The following SGCD variants were observed in gnomAD, a reference collection of about 807,000 sequenced individuals.
SGCD encodes delta-sarcoglycan.
In SGCD, 18 loss-of-function variants were observed where a neutral mutation model predicts 36.6. The observed-to-expected ratio is 0.49, with a 90% confidence interval of 0.34 to 0.73. The LOEUF (loss-of-function observed/expected upper bound fraction) is 0.73. Among genes scored for constraint, SGCD ranks in the 30% least tolerant of loss-of-function variants. SGCD has a pLI of 0.01. For missense variants in SGCD, 387 were observed against 346.7 expected, an observed-to-expected ratio of 1.12 and a Z score of -0.92; for synonymous variants, 133 against 130.6, an observed-to-expected ratio of 1.02 and a Z score of -0.12.
chr5:156,061,919 C>CTTTTTTTTTTTTTT (rs757769130), intron 1 of SGCD, among the ~76,000 whole-genome samples: 2 of 71,760 alleles, frequency 2.8e-5, no homozygotes, highest in Non-Finnish European at 5.3e-5. Flanking sequence ...GGAGTTTTCA[C>CTTTTTTTTTTTTTT]TTTTTTTTTT....
intron 7 of SGCD, among the ~76,000 whole-genome samples, chr5:156,664,131 AT>A (rs1279906885): frequency 9.8e-6 from 1 of 101,962 alleles, no homozygotes; most frequent in African/African-American, 4.5e-5. Flanking sequence ...TTTGACCACA[AT>A]TATAACATTT....
chr5:155,999,455 G>A (rs1448917257), intron 1 of SGCD, among the ~76,000 whole-genome samples: 1 of 152,178 alleles, frequency 6.6e-6, no homozygotes, highest in Non-Finnish European at 1.5e-5. Context: ...TTAAACTGGG[G>A]AGTTCAATCA....
intron 3 of SGCD, among the ~76,000 whole-genome samples, chr5:156,379,372 A>G (rs1016806754): frequency 6.6e-6 from 1 of 152,126 alleles, no homozygotes; most frequent in Non-Finnish European, 1.5e-5. Flanking sequence ...ATGCATGCAC[A>G]TGTCTGGGCA....
intron 3 of SGCD, among the ~76,000 whole-genome samples, chr5:156,438,138 A>T (rs1440039338): frequency 6.6e-6 from 1 of 152,224 alleles, no homozygotes; most frequent in Non-Finnish European, 1.5e-5. Context: ...AGATGTGAGG[A>T]CAGTAGGAAA....
chr5:156,518,570 G>A (rs1203895524), intron 4 of SGCD, among the ~76,000 whole-genome samples: 1 of 151,810 alleles, frequency 6.6e-6, no homozygotes. Context: ...TACTGTAAAA[G>A]TGACCTAAAA....
the SGCD span, among the ~76,000 whole-genome samples, chr5:155,771,215 C>T: frequency 3.3e-5 from 5 of 152,034 alleles, 1 homozygote; most frequent in African/African-American, 1.2e-4. Flanking sequence ...TGCCATGTTG[C>T]AACTCTCATT....
chr5:156,750,385 A>G (rs1757106403), intron 7 of SGCD, among the ~76,000 whole-genome samples: 1 of 152,162 alleles, frequency 6.6e-6, no homozygotes, highest in East Asian at 1.9e-4. Flanking sequence ...AAAGAAAAAG[A>G]ATTAGTATAA....
intron 1 of SGCD, among the ~76,000 whole-genome samples, chr5:155,884,079 G>A (rs541112363): frequency 7.9e-5 from 12 of 152,048 alleles, no homozygotes; most frequent in Admixed American, 2.6e-4. Context: ...ATTCTTCTTG[G>A]CTTCTGCCTT....
chr5:156,305,475 G>A (rs1475255172), intron 3 of SGCD, among the ~76,000 whole-genome samples: 1 of 152,208 alleles, frequency 6.6e-6, no homozygotes. Context: ...CTAGATTTCA[G>A]AGGATGTATG....
In SGCD at chr5:156,125,512, C is replaced by T. The variant is rs187372323; in HGVS notation, c.-44+1493C>T. The stretch of plus-strand genomic sequence containing the variant: ...GTGATGTTCACATTGCTTGTAGAAC[C>T]GCTAGAAAGCTGCTGAGATGGGCGG... On this transcript the variant is annotated intron_variant, in intron 3 of 9. Transcript: ENST00000517913. Among the ~76,000 whole-genome samples, 8 of 151,962 alleles carry T rather than the reference C, an allele frequency of 5.3e-5. No individual in the cohort carries two copies. In the South Asian group the frequency reaches 8.3e-4, roughly 16 times the overall value.
At chr5:156,194,632 T>C (rs1179026048) in intron 3 of SGCD, among the ~76,000 whole-genome samples, 1 of 152,020 alleles carries the variant, frequency 6.6e-6, no homozygotes, top group African/African-American at 2.4e-5. Flanking sequence ...AATTGATTAA[T>C]ATAATACCTT....
chr5:155,995,955 G>GAGCTTTC lies in SGCD; in HGVS notation c.-281-121921_-281-121915dup, dbSNP rs572911534. Among the ~76,000 whole-genome samples the GAGCTTTC allele has an allele frequency of 3.5e-3, 438 of 124,296 alleles. 3 individuals carry two copies. Among genetic ancestry groups the GAGCTTTC allele is most frequent in the African/African-American group, 0.012 (392 of 31,674 alleles). The allele number at this position is 124,296 out of a possible 152,430, so 81.5% of individuals were successfully genotyped here. ...TGTCAAAACTGTACAGCTAAGATTT[G>GAGCTTTC]AGCTTTCATTGTATGTACATCAGAC... is the stretch of plus-strand genomic sequence containing the variant. On this transcript the variant is annotated intron_variant, in intron 1 of 9. Coordinates refer to the SGCD transcript ENST00000517913.
intron 6 of SGCD, among the ~76,000 whole-genome samples, chr5:156,639,081 C>T (rs2113557421): frequency 6.6e-6 from 1 of 151,730 alleles, no homozygotes; most frequent in East Asian, 1.9e-4. Flanking sequence ...ATATGCCAGA[C>T]ATGTATAGCA....
chr5:155,889,623 A>G (rs1430382826), intron 1 of SGCD, among the ~76,000 whole-genome samples: 1 of 152,224 alleles, frequency 6.6e-6, no homozygotes, highest in Non-Finnish European at 1.5e-5. Flanking sequence ...TTAAAGAGTG[A>G]ATCAAGTTGT....
intron 1 of SGCD, among the ~76,000 whole-genome samples, chr5:156,052,722 A>T (rs1447927907): frequency 6.8e-6 from 1 of 146,030 alleles, no homozygotes; most frequent in African/African-American, 2.5e-5. Flanking sequence ...TAAAAAAAAA[A>T]GTGCCATTAA....
At chr5:156,631,471 T>C (rs1762629341) in intron 6 of SGCD, among the ~76,000 whole-genome samples, 1 of 151,478 alleles carries the variant, frequency 6.6e-6, no homozygotes, top group Non-Finnish European at 1.5e-5. Flanking sequence ...TTTTTTTTTT[T>C]TTTTTAAAAA....
intron 3 of SGCD, among the ~76,000 whole-genome samples, chr5:156,261,397 A>G (rs1025784672): frequency 9.2e-5 from 14 of 152,172 alleles, no homozygotes; most frequent in African/African-American, 3.4e-4. Context: ...TCAATGATAT[A>G]CCACATATAC....
At chr5:155,818,523 C>T in the SGCD span, among the ~76,000 whole-genome samples, 4 of 151,960 alleles carry the variant, frequency 2.6e-5, no homozygotes, top group Admixed American at 1.3e-4. Context: ...AATGGAGATA[C>T]TTTATTTATG....
At chr5:156,614,381 A>G (rs1237175016) in intron 6 of SGCD, among the ~76,000 whole-genome samples, 9 of 152,190 alleles carry the variant, frequency 5.9e-5, no homozygotes, top group African/African-American at 2.2e-4. Context: ...TATGACTTCT[A>G]TCAGTGGACT....
Sources: gnomAD v4.1 joint callset for allele counts (sites outside exome capture counted in the v4.1 genomes callset) on GRCh38, gnomAD v4.1.1 for gene constraint, MANE v1.5 for transcripts, NCBI Gene and HGNC (gene_info 2026-07-23, HGNC 2026-07-21) for gene names.